The following EIF2B3 variants were observed in gnomAD, a reference collection of about 807,000 sequenced individuals.
EIF2B3 encodes eukaryotic translation initiation factor 2B subunit gamma.
A neutral mutation model predicts 54.1 loss-of-function variants in EIF2B3; 20 were observed. The observed-to-expected ratio is 0.37, with a 90% CI of 0.26 to 0.54. The LOEUF (loss-of-function observed/expected upper bound fraction) is 0.54, where lower values mean the gene tolerates loss of function less well. Ranked by LOEUF, EIF2B3 falls within the 20% of genes least tolerant of loss-of-function variation. The pLI is 0.86. For synonymous variants in EIF2B3, 153 were observed against 188.1 expected, an observed-to-expected ratio of 0.81 and a Z score of 1.52; for missense variants, 448 against 547.8, an observed-to-expected ratio of 0.82 and a Z score of 1.82.
chr1:44,870,288 A>C (rs1219319906), intron 10 of EIF2B3, among the ~76,000 whole-genome samples: 1 of 152,082 alleles, frequency 6.6e-6, no homozygotes, highest in African/African-American at 2.4e-5. Flanking sequence ...CTAACCACAA[A>C]CTGAATACCA....
At chr1:44,893,072 C>A (rs1169212905) in intron 6 of EIF2B3, among the ~76,000 whole-genome samples, 1 of 152,050 alleles carries the variant, frequency 6.6e-6, no homozygotes, top group East Asian at 1.9e-4. Flanking sequence ...TTTTAACTTT[C>A]TTTTAGAGAC....
chr1:44,886,778 T>C (rs1201348586), intron 6 of EIF2B3, among the ~76,000 whole-genome samples: 1 of 152,250 alleles, frequency 6.6e-6, no homozygotes, highest in Non-Finnish European at 1.5e-5. Context: ...TGTACGTCAC[T>C]TCCTTTTTTT....
chr1:44,972,623 T>TACACACACACACACACACACAC (rs1202472645), intron 3 of EIF2B3: 1 of 141,576 alleles, frequency 7.1e-6, no homozygotes, highest in Non-Finnish European at 1.5e-5. Context: ...AATAAATAAA[T>TACACACACACACACACACACAC]ACACACACAC....
At chr1:44,977,919 A>G (rs1440538119) in intron 3 of EIF2B3, among the ~76,000 whole-genome samples, 1 of 152,276 alleles carries the variant, frequency 6.6e-6, no homozygotes, top group East Asian at 1.9e-4. Context: ...ATGTAAAAAT[A>G]TATCAGAAAT....
At chr1:44,935,663 C>A (rs969431291) in intron 4 of EIF2B3, among the ~76,000 whole-genome samples, 6 of 152,056 alleles carry the variant, frequency 3.9e-5, no homozygotes, top group Non-Finnish European at 8.8e-5. Flanking sequence ...CCACACCCAG[C>A]TAATTTTTTT....
At chr1:44,895,593 G>A (rs1387537802) in intron 6 of EIF2B3, among the ~76,000 whole-genome samples, 17 of 151,668 alleles carry the variant, frequency 1.1e-4, no homozygotes, top group East Asian at 5.8e-4. Context: ...TCCTGGAAGC[G>A]TCCTTATATT....
chr1:44,888,142 T>G (rs1655661283), intron 6 of EIF2B3, among the ~76,000 whole-genome samples: 1 of 152,142 alleles, frequency 6.6e-6, no homozygotes, highest in Non-Finnish European at 1.5e-5. Context: ...AGGGCCCAAC[T>G]GGGGGCAAGT....
At chr1:44,929,304 G>A (rs952913952) in intron 4 of EIF2B3, among the ~76,000 whole-genome samples, 5 of 152,112 alleles carry the variant, frequency 3.3e-5, no homozygotes, top group Non-Finnish European at 5.9e-5. Context: ...AATATGTTTC[G>A]CTGTTGGCTA....
chr1:44,903,426 T>C (rs1441393365), intron 5 of EIF2B3, among the ~76,000 whole-genome samples: 1 of 152,192 alleles, frequency 6.6e-6, no homozygotes, highest in Non-Finnish European at 1.5e-5. Flanking sequence ...TCTGCTCCCT[T>C]CTTCCCCATT....
intron 10 of EIF2B3, among the ~76,000 whole-genome samples, chr1:44,871,209 A>G (rs1047078006): frequency 6.6e-6 from 1 of 152,134 alleles, no homozygotes. Flanking sequence ...TTGACCTCAT[A>G]TATCTAGGCA....
At chr1:44,862,285 A>C (rs1654633911) in intron 10 of EIF2B3, among the ~76,000 whole-genome samples, 1 of 152,172 alleles carries the variant, frequency 6.6e-6, no homozygotes, top group Non-Finnish European at 1.5e-5. Flanking sequence ...ACTAATGGAG[A>C]CTTGGTCCTC....
rs57964686 is a variant in EIF2B3 at position 44,978,621 on chromosome 1, C to CTTTTTTTTTTTTTTTTT, written c.149-178_149-162dup. The stretch of plus-strand genomic sequence containing the variant: ...TTTACCTGCATTCCCCCAATAAATT[C>CTTTTTTTTTTTTTTTTT]TTTTTTTTTTTTTTTTTTTTTTTTT... On this transcript the variant is annotated intron_variant, in intron 2 of 11. Coordinates refer to ENST00000360403, the MANE Select transcript of EIF2B3 (RefSeq NM_020365.5). 3.9e-5 allele frequency among the ~76,000 whole-genome samples: 3 copies of CTTTTTTTTTTTTTTTTT among 76,634 alleles called. 1 individual carries two copies. Among genetic ancestry groups the CTTTTTTTTTTTTTTTTT allele is most frequent in the Admixed American group, 3.1e-4 (2 of 6,470 alleles). 50.3% of individuals were successfully genotyped at this position (76,634 alleles called of 152,430 possible). A position where few individuals can be genotyped will look rare whatever the true frequency, so the allele number is the denominator to read the frequency against.
chr1:44,857,867 A>G (rs962947397), intron 10 of EIF2B3, 60 bp from the exon 11 acceptor site: 2 of 1,536,764 alleles, frequency 1.3e-6, no homozygotes, highest in African/African-American at 1.4e-5. Context: ...CCTCATTACT[A>G]TTGGTTGGGG....
chr1:44,982,227 T>C (rs528532788), intron 1 of EIF2B3, among the ~76,000 whole-genome samples: 2 of 152,306 alleles, frequency 1.3e-5, no homozygotes, highest in South Asian at 2.1e-4. Flanking sequence ...ACAAACCTAT[T>C]TGACTTTGAA....
At position 44,913,761 on chromosome 1, in the gene EIF2B3, C is replaced by G. The variant is rs114343970; in HGVS notation, c.566+12867G>C. On this transcript the variant is annotated intron_variant, in intron 5 of 11. Transcript: ENST00000360403. ...AAGTGATCCTCTTGCCTCTGTCTCC[C>G]AAAGTGGACATTAGAGGTGTGAGCC... 9.9e-3 allele frequency among the ~76,000 whole-genome samples: 1,496 copies of G among 151,848 alleles called. 23 individuals carry two copies. Among genetic ancestry groups the G allele is most frequent in the African/African-American group, 0.034 (1,416 of 41,390 alleles).
intron 10 of EIF2B3, among the ~76,000 whole-genome samples, chr1:44,872,704 G>A (rs1655004007): frequency 6.6e-6 from 1 of 151,818 alleles, no homozygotes; most frequent in Non-Finnish European, 1.5e-5. Flanking sequence ...CAGCTCAGGT[G>A]GCTCTACTCA....
intron 5 of EIF2B3, among the ~76,000 whole-genome samples, chr1:44,897,741 T>G (rs1319497271): frequency 6.6e-6 from 1 of 150,854 alleles, no homozygotes. Flanking sequence ...CGTTAACTTT[T>G]TTTTTTTTTT....
chr1:44,894,230 A>G (rs1468376533), intron 6 of EIF2B3, among the ~76,000 whole-genome samples: 1 of 152,204 alleles, frequency 6.6e-6, no homozygotes, highest in African/African-American at 2.4e-5. Context: ...TTTTGAATTA[A>G]AATGTTCAAG....
chr1:44,939,101 CA>C (rs35410499), intron 4 of EIF2B3, among the ~76,000 whole-genome samples: 910 of 56,280 alleles, frequency 0.016, 6 homozygotes, highest in African/African-American at 0.036. Context: ...GACCCTGTCT[CA>C]AAAAAAAAAA....
Sources: allele counts gnomAD v4.1 joint callset (sites outside exome capture counted in the v4.1 genomes callset), GRCh38; gene constraint gnomAD v4.1.1; transcripts MANE v1.5; gene names NCBI Gene and HGNC (gene_info 2026-07-23, HGNC 2026-07-21).